Variants in DEFB119 observed in about 807,000 individuals in gnomAD.
DEFB119 encodes defensin beta 119.
In DEFB119, 3 loss-of-function variants were observed where a neutral mutation model predicts 2.5. The observed-to-expected ratio is 1.19, with a 90% CI of 0.54 to 3.07. The LOEUF is 3.07. DEFB119 is among the 30% of genes most tolerant of loss of function. The pLI, the probability that DEFB119 is intolerant of heterozygous loss-of-function variation, is 0.03. For missense variants in DEFB119, 113 were observed against 101.1 expected (o/e 1.12, Z -0.50); for synonymous variants, 29 against 33.7 (o/e 0.86, Z 0.48).
chr20:31,385,374 C>CAAAAAAAAAAA (rs539118665), intron 1 of DEFB119, among the ~76,000 whole-genome samples: 4 of 115,760 alleles, frequency 3.5e-5, no homozygotes, highest in African/African-American at 1.0e-4. Context: ...TAACAAAAGA[C>CAAAAAAAAAAA]AAAAAAAAAA....
chr20:31,378,644 A>G (rs1399375819), intron 1 of DEFB119, among the ~76,000 whole-genome samples: 3 of 152,122 alleles, frequency 2.0e-5, no homozygotes, highest in Admixed American at 6.5e-5. Flanking sequence ...CTATTTAACC[A>G]TGTGTCTGCT....
intron 1 of DEFB119, among the ~76,000 whole-genome samples, chr20:31,384,984 TAAAAG>T (rs911428867): frequency 2.0e-5 from 3 of 152,022 alleles, no homozygotes; most frequent in East Asian, 3.9e-4. Context: ...ACTTCAAAAA[TAAAAG>T]AAAAGAAAAC....
In DEFB119 at chr20:31,377,236, T is replaced by A. The variant is rs530788920; in HGVS notation, c.*10A>T. On this transcript the variant is annotated 3_prime_UTR_variant, in exon 2 of 2. Coordinates refer to ENST00000376321, the MANE Select transcript of DEFB119 (RefSeq NM_153289.4). ...TGCCCAGAGAGCTTGAGAATGGTAA[T>A]CACCAGCACTCAAGGTAGTCTTGGC... 6.9e-6 allele frequency: 11 copies of A among 1,601,092 alleles called. No individual in the cohort carries two copies. The African/African-American group carries it at 1.3e-4, about 20-fold the overall frequency.
chr20:31,377,212 G>T lies in DEFB119; in HGVS notation c.*34C>A. ...AGGGGGGTTGACAGCAGGTCTCTGT[G>T]CCCAGAGAGCTTGAGAATGGTAATC... On this transcript the variant is annotated 3_prime_UTR_variant, in exon 2 of 2. Coordinates refer to ENST00000376321, the MANE Select transcript of DEFB119 (RefSeq NM_153289.4). 6.4e-7 allele frequency: 1 copy of T among 1,573,168 alleles called. No individual in the cohort carries two copies. Among genetic ancestry groups the T allele is most frequent in the African/African-American group, 1.4e-5 (1 of 73,882 alleles).
chr20:31,389,050 AT>A, intron 1 of DEFB119: 2 of 1,614,168 alleles, frequency 1.2e-6, no homozygotes. Context: ...ATTTGTCTTC[AT>A]TTTTGGAGCT....
chr20:31,381,967 G>A (rs1303406128), intron 1 of DEFB119, among the ~76,000 whole-genome samples: 1 of 152,234 alleles, frequency 6.6e-6, no homozygotes, highest in Non-Finnish European at 1.5e-5. Context: ...GACAGTGGGT[G>A]GGGACAGGGA....
At chr20:31,380,957 T>C (rs1986483932) in intron 1 of DEFB119, among the ~76,000 whole-genome samples, 1 of 152,226 alleles carries the variant, frequency 6.6e-6, no homozygotes, top group Non-Finnish European at 1.5e-5. Context: ...ATCTGGTCTA[T>C]ATCTACAAAA....
intron 1 of DEFB119, chr20:31,388,936 T>G: frequency 6.5e-7 from 1 of 1,543,594 alleles, no homozygotes; most frequent in Non-Finnish European, 8.8e-7. Flanking sequence ...CCATTTGAAG[T>G]ATCATTCCTT....
At chr20:31,377,823 T>C (rs922287323) in intron 1 of DEFB119, among the ~76,000 whole-genome samples, 2 of 152,188 alleles carry the variant, frequency 1.3e-5, no homozygotes, top group African/African-American at 4.8e-5. Context: ...AGTGCAGACA[T>C]AGAGTCCCAA....
At chr20:31,379,727 A>C (rs1018375759) in intron 1 of DEFB119, among the ~76,000 whole-genome samples, 2 of 148,940 alleles carry the variant, frequency 1.3e-5, no homozygotes, top group Admixed American at 6.8e-5. Context: ...GTGCAGTGGC[A>C]CTATCTCAGC....
intron 1 of DEFB119, chr20:31,387,975 G>T: frequency 1.3e-6 from 1 of 787,166 alleles, no homozygotes; most frequent in Non-Finnish European, 1.5e-6. Context: ...AACTCCTTCT[G>T]TCTGTCTCTA....
rs1986327276 is a variant in DEFB119, at chr20:31,377,183, A to G, written c.*63T>C. ...CAAGGGTAGCAGGCACATGAATTTT[A>G]ATGAGGGGGGTTGACAGCAGGTCTC... is the stretch of plus-strand genomic sequence containing the variant. On this transcript the variant is annotated 3_prime_UTR_variant, in exon 2 of 2. Coordinates refer to ENST00000376321, the MANE Select transcript of DEFB119 (RefSeq NM_153289.4). 1 of 1,487,762 alleles carries G rather than the reference A, an allele frequency of 6.7e-7. No individual in the cohort carries two copies. The highest frequency in any genetic ancestry group is 2.3e-5 in the East Asian group (1 of 43,296). 92.2% of individuals were successfully genotyped at this position (1,487,762 alleles called of 1,614,324 possible).
intron 1 of DEFB119, chr20:31,389,012 A>G: frequency 1.9e-6 from 3 of 1,613,890 alleles, no homozygotes; most frequent in Non-Finnish European, 1.7e-6. Flanking sequence ...AGCAACCTGA[A>G]ACAAAGTCAT....
intron 1 of DEFB119, chr20:31,388,201 C>T (rs1402341765): frequency 6.1e-6 from 6 of 983,342 alleles, no homozygotes; most frequent in Non-Finnish European, 7.2e-6. Flanking sequence ...AGTACCAATT[C>T]AAATGAGACA....
intron 1 of DEFB119, chr20:31,389,319 G>A (rs978681313): frequency 1.3e-6 from 2 of 1,574,298 alleles, no homozygotes; most frequent in Non-Finnish European, 1.7e-6. Context: ...AGGAGGACAG[G>A]GAAGAAGAGA....
chr20:31,387,010 T>G (rs1178267430), intron 1 of DEFB119, among the ~76,000 whole-genome samples: 1 of 152,058 alleles, frequency 6.6e-6, no homozygotes, highest in Non-Finnish European at 1.5e-5. Flanking sequence ...TTCACCATGT[T>G]GATCAGGCTG....
intron 1 of DEFB119, among the ~76,000 whole-genome samples, chr20:31,382,362 T>A (rs749598217): frequency 2.0e-5 from 3 of 152,162 alleles, no homozygotes; most frequent in Non-Finnish European, 4.4e-5. Flanking sequence ...CTGTGTATCC[T>A]GGGGCAAGTT....
chr20:31,377,188 G>T lies in DEFB119; in HGVS notation c.*58C>A. The T allele has an allele frequency of 1.3e-6, 2 of 1,496,330 alleles. No homozygotes were observed. The highest frequency in any genetic ancestry group is 1.4e-5 in the South Asian group (1 of 73,326). 92.7% of individuals were successfully genotyped at this position (1,496,330 alleles called of 1,614,324 possible). On this transcript the variant is annotated 3_prime_UTR_variant, in exon 2 of 2. Coordinates refer to ENST00000376321, the MANE Select transcript of DEFB119 (RefSeq NM_153289.4). ...GTAGCAGGCACATGAATTTTAATGA[G>T]GGGGGTTGACAGCAGGTCTCTGTGC...
chr20:31,378,487 T>G, intron 1 of DEFB119: 2 of 1,567,742 alleles, frequency 1.3e-6, no homozygotes, highest in Non-Finnish European at 1.7e-6. Context: ...CCAGCAAAAA[T>G]TACTCATCAT....
Sources: allele counts gnomAD v4.1 joint callset (sites outside exome capture counted in the v4.1 genomes callset), GRCh38; gene constraint gnomAD v4.1.1; transcripts MANE v1.5; gene names NCBI Gene and HGNC (gene_info 2026-07-23, HGNC 2026-07-21).